The following DHCR7 variants were observed in gnomAD, a reference collection of about 807,000 sequenced individuals.
DHCR7 encodes the protein 7-DHC reductase.
A neutral mutation model predicts 43.3 loss-of-function variants in DHCR7; 40 were observed. That is an observed-to-expected ratio of 0.92 (90% CI 0.72 to 1.20). The LOEUF (loss-of-function observed/expected upper bound fraction) is 1.20. Among genes scored for constraint, DHCR7 ranks in the 50% most tolerant of loss-of-function variants. The pLI is 0.00. For synonymous variants in DHCR7, 298 were observed against 271.4 expected, an observed-to-expected ratio of 1.10 and a Z score of -0.96; for missense variants, 608 against 644.6, an observed-to-expected ratio of 0.94 and a Z score of 0.62.
chr11:71,434,253 G>A (rs930307733), downstream of DHCR7, among the ~76,000 whole-genome samples: 2 of 152,118 alleles, frequency 1.3e-5, no homozygotes, highest in Non-Finnish European at 2.9e-5. Context: ...GTGGCGCCAC[G>A]CACCCACGGG....
intron 7 of DHCR7, 62 bp downstream of exon 7, chr11:71,438,816 CT>C: frequency 1.3e-6 from 2 of 1,549,076 alleles, no homozygotes; most frequent in Admixed American, 3.4e-5. Context: ...TACGCTCTGG[CT>C]TGCGGGTTCC....
chr11:71,438,840 C>G (rs375895720), intron 7 of DHCR7, 39 bp downstream of exon 7: 3 of 1,604,088 alleles, frequency 1.9e-6, no homozygotes, highest in Non-Finnish European at 2.6e-6. Context: ...CAGAGCCTGC[C>G]GGCATCGGCG....
At chr11:71,428,484 G>C (rs1440787984) in exon 3 of DHCR7, 2 of 169,510 alleles carry the variant, frequency 1.2e-5, no homozygotes, top group Non-Finnish European at 2.6e-5. Context: ...TAATTAAACA[G>C]TCACCTCTTG....
intron 1 of DHCR7, 106 bp downstream of exon 1, chr11:71,448,184 C>T (rs931053405): frequency 6.5e-6 from 1 of 153,900 alleles, no homozygotes; most frequent in Non-Finnish European, 1.4e-5. Flanking sequence ...CCCCCTACCC[C>T]TGACCCCACC....
chr11:71,434,167 G>C (rs959491201), downstream of DHCR7, among the ~76,000 whole-genome samples: 2 of 152,206 alleles, frequency 1.3e-5, no homozygotes, highest in Non-Finnish European at 2.9e-5. Context: ...TCTCCTTGGG[G>C]GGGAATGGAA....
downstream of DHCR7, among the ~76,000 whole-genome samples, chr11:71,430,403 C>T (rs1949222330): frequency 6.6e-6 from 1 of 152,224 alleles, no homozygotes; most frequent in African/African-American, 2.4e-5. Context: ...GGACCCGTGG[C>T]CAGACTAGGC....
intron 8 of DHCR7, 151 bp downstream of exon 8, chr11:71,437,661 C>T (rs759853890): frequency 2.4e-5 from 28 of 1,159,474 alleles, no homozygotes; most frequent in African/African-American, 3.1e-5. Context: ...CTGGCCCAAG[C>T]TGGCTGAGCT....
At chr11:71,429,625 T>C (rs991026584), downstream of DHCR7, among the ~76,000 whole-genome samples, 3 of 152,078 alleles carry the variant, frequency 2.0e-5, no homozygotes, top group Non-Finnish European at 2.9e-5. Context: ...AAAAGGTCAG[T>C]ACTGATTGAG....
downstream of DHCR7, among the ~76,000 whole-genome samples, chr11:71,433,485 A>G (rs1397515209): frequency 1.3e-5 from 2 of 152,256 alleles, no homozygotes; most frequent in Non-Finnish European, 2.9e-5. Context: ...ACCTCAGCCA[A>G]TTCAGAGGCA....
chr11:71,435,265 A>T lies in DHCR7; in HGVS notation c.*110T>A. ...CCAAGTGCTGGGCTCTCTCCAGTTT[A>T]CAGATGAGGAAACTGAGGCTCCTCG... On this transcript the variant is annotated 3_prime_UTR_variant, in exon 9 of 9. Coordinates refer to ENST00000355527, the MANE Select transcript of DHCR7 (RefSeq NM_001360.3). The T allele has an allele frequency of 8.7e-7, 1 of 1,151,070 alleles. No homozygotes were observed. The highest frequency in any genetic ancestry group is 1.3e-6 in the Non-Finnish European group (1 of 772,948). The allele number at this position is 1,151,070 out of a possible 1,614,324, so 71.3% of individuals were successfully genotyped here.
In DHCR7 at chr11:71,438,884, G is replaced by A. The variant is rs1949317748; in HGVS notation, c.826C>T (p.Leu276=). 6.2e-7 allele frequency: 1 copy of A among 1,613,788 alleles called. No homozygotes were observed. The highest frequency in any genetic ancestry group is 1.3e-5 in the African/African-American group (1 of 75,072). ...TCTCCAGCCATGACAGGCACCTGCA[G>A]GACGTTGACCAGGACCATGGCATTG... ...VTNAMVLVNV[L]QAIYVIDFFW... Residue 276 remains leucine, a synonymous_variant, in exon 7 of 9, where the codon CTG becomes TTG. Transcript: ENST00000355527.
chr11:71,441,006 C>G (rs1190984430), intron 6 of DHCR7, among the ~76,000 whole-genome samples: 1 of 152,200 alleles, frequency 6.6e-6, no homozygotes, highest in African/African-American at 2.4e-5. Context: ...GCCACCACAG[C>G]TGACCTGGCC....
In DHCR7 at chr11:71,441,065, G is replaced by A. The variant is rs990389872; in HGVS notation, c.626+162C>T. On this transcript the variant is annotated intron_variant, in intron 6 of 8. Coordinates refer to ENST00000355527, the MANE Select transcript of DHCR7 (RefSeq NM_001360.3). Reference sequence around the variant, plus strand: ...GGCTGGAGAAGCCACCAAACATTCAGAAAGGATGTTCCCCAGGGTGAAGCA... The same window carrying A: ...GGCTGGAGAAGCCACCAAACATTCAAAAAGGATGTTCCCCAGGGTGAAGCA... Among the ~76,000 whole-genome samples the A allele has an allele frequency of 2.6e-5, 4 of 152,226 alleles. No homozygotes were observed. The South Asian group carries it at 6.2e-4, about 24-fold the overall frequency.
chr11:71,444,796 C>T, intron 3 of DHCR7, 59 bp downstream of exon 3: 1 of 1,490,912 alleles, frequency 6.7e-7, no homozygotes, highest in African/African-American at 1.4e-5. Flanking sequence ...ATTCCAAAGG[C>T]TGGAAAGCTC....
intron 2 of DHCR7, among the ~76,000 whole-genome samples, chr11:71,445,643 C>T (rs1172434512): frequency 5.3e-5 from 8 of 152,116 alleles, no homozygotes; most frequent in African/African-American, 1.9e-4. Context: ...AGAACAGTGG[C>T]CCATGTAGGA....
rs78415897 is a variant in DHCR7, at chr11:71,442,515, C to T, written c.322-162G>A. On this transcript the variant is annotated intron_variant, in intron 4 of 8. Transcript: ENST00000355527. ...TGGGCTGTGGGTTTTGAAGGGGGTT[C>T]TGAGACAATAAACTCATCAACCAGG... Among the ~76,000 whole-genome samples the T allele has an allele frequency of 5.3e-3, 813 of 152,266 alleles. 18 individuals are homozygous for T. The East Asian group carries it at 0.064, about 12-fold the overall frequency.
At position 71,442,340 on chromosome 11, in the gene DHCR7, G is replaced by C. The variant is rs770040020; in HGVS notation, c.335C>G (p.Thr112Arg). Residue 112 changes from threonine (T) to arginine (R), a missense_variant, in exon 5 of 9, where the codon ACG (threonine) becomes AGG (arginine). Transcript: ENST00000355527. ...CTTATGGCAGAAGTCAGGGAGAGACGTGTACAGAAGCACCTGAAACACACA... is the reference window on the plus strand; with the variant it reads ...CTTATGGCAGAAGTCAGGGAGAGACCTGTACAGAAGCACCTGAAACACACA... ...LWVTFQVLLY[T>R]SLPDFCHKFL... 3.1e-6 allele frequency: 5 copies of C among 1,613,602 alleles called. No individual in the cohort carries two copies. Among genetic ancestry groups the C allele is most frequent in the Non-Finnish European group, 4.2e-6 (5 of 1,179,836 alleles).
chr11:71,429,006 G>C (rs764479402), intron 2 of DHCR7, among the ~76,000 whole-genome samples: 9 of 152,242 alleles, frequency 5.9e-5, no homozygotes, highest in Non-Finnish European at 1.2e-4. Context: ...GTAGGAAGAA[G>C]TGAGCCAACA....
chr11:71,441,184 T>C (rs774000144), intron 6 of DHCR7, 43 bp downstream of exon 6: 8 of 1,592,902 alleles, frequency 5.0e-6, no homozygotes, highest in South Asian at 4.4e-5. Flanking sequence ...GGGGTGAAGT[T>C]TGCACTTTCT....
Sources: gnomAD v4.1 joint callset for allele counts (sites outside exome capture counted in the v4.1 genomes callset) on GRCh38, gnomAD v4.1.1 for gene constraint, MANE v1.5 for transcripts, NCBI Gene and HGNC (gene_info 2026-07-23, HGNC 2026-07-21) for gene names.